Variants in ANKS1B observed in about 807,000 individuals in gnomAD.
The protein encoded by ANKS1B is ankyrin repeat and sterile alpha motif domain containing 1B.
In ANKS1B, 36 loss-of-function variants were observed where a neutral mutation model predicts 148.3. That is an observed-to-expected ratio of 0.24 (90% confidence interval 0.19 to 0.32). The LOEUF (loss-of-function observed/expected upper bound fraction) is 0.32. ANKS1B is among the 10% of genes least tolerant of loss of function. The pLI, the probability that ANKS1B is intolerant of heterozygous loss-of-function variation, is 1.00. For synonymous variants in ANKS1B, 542 were observed against 560.8 expected, an observed-to-expected ratio of 0.97 and a Z score of 0.47; for missense variants, 1,157 against 1,542.6, an observed-to-expected ratio of 0.75 and a Z score of 4.19.
At chr12:99,195,282 C>T (rs1307925346) in intron 14 of ANKS1B, among the ~76,000 whole-genome samples, 3 of 152,046 alleles carry the variant, frequency 2.0e-5, no homozygotes, top group African/African-American at 4.8e-5. Flanking sequence ...ACTCCAATAA[C>T]GTAATAAACA....
At chr12:99,219,030 T>C (rs2084677347) in intron 14 of ANKS1B, among the ~76,000 whole-genome samples, 1 of 152,150 alleles carries the variant, frequency 6.6e-6, no homozygotes, top group Non-Finnish European at 1.5e-5. Context: ...TAATCCACAA[T>C]GTGGAGGTGT....
intron 3 of ANKS1B, among the ~76,000 whole-genome samples, chr12:99,808,868 C>T (rs924848419): frequency 2.6e-5 from 4 of 151,958 alleles, no homozygotes; most frequent in Non-Finnish European, 5.9e-5. Flanking sequence ...AGAGCAAAAT[C>T]GAAAAATTTT....
chr12:99,781,983 T>C lies in ANKS1B; in HGVS notation c.745+39A>G, dbSNP rs73145431. On this transcript the variant is annotated intron_variant, in intron 5 of 26. Transcript: ENST00000683438. Reference sequence around the variant, plus strand: ...GTCTATTCCCAAAATAGAAATGTTATCTGTCAGGATAAGCTCCATGCAGAA... The same window carrying C: ...GTCTATTCCCAAAATAGAAATGTTACCTGTCAGGATAAGCTCCATGCAGAA... 4.7e-3 allele frequency: 7,136 copies of C among 1,506,282 alleles called. 30 individuals carry two copies. Among genetic ancestry groups the C allele is most frequent in the Non-Finnish European group, 5.7e-3 (6,286 of 1,111,986 alleles). 93.3% of individuals were successfully genotyped at this position (1,506,282 alleles called of 1,614,324 possible).
At chr12:99,397,608 A>G (rs1381244476) in intron 12 of ANKS1B, among the ~76,000 whole-genome samples, 1 of 152,112 alleles carries the variant, frequency 6.6e-6, no homozygotes, top group Non-Finnish European at 1.5e-5. Flanking sequence ...TTCATACCAG[A>G]ACTTTTTCCA....
At position 99,984,128 on chromosome 12, in the gene ANKS1B, G is replaced by T. The variant is rs2095749708; in HGVS notation, c.110C>A (p.Pro37His). The change falls in exon 1 of 27, where the codon CCC becomes CAC. Residue 37 changes from proline to histidine, a missense_variant. Pro to His is a moderately conservative substitution (Grantham distance 77). Transcript: ENST00000683438. ...KGGILGGGSG[P>H]LPLSNLLSIW... is the part of the protein sequence containing the mutation. ...CCTTAGCAGATTAGACAGGGGCAGG[G>T]GTCCGGATCCACCGCCCAGGATCCC... is the stretch of plus-strand genomic sequence containing the variant. 6.2e-7 allele frequency: 1 copy of T among 1,613,544 alleles called. No homozygotes were observed. Among genetic ancestry groups the T allele is most frequent in the Non-Finnish European group, 8.5e-7 (1 of 1,179,708 alleles).
At chr12:99,088,454 T>C (rs1305916282) in intron 15 of ANKS1B, among the ~76,000 whole-genome samples, 1 of 152,216 alleles carries the variant, frequency 6.6e-6, no homozygotes, top group African/African-American at 2.4e-5. Context: ...TCATTATATA[T>C]AAATATAGAT....
chr12:99,569,924 T>G (rs2097434489), intron 9 of ANKS1B, among the ~76,000 whole-genome samples: 1 of 152,120 alleles, frequency 6.6e-6, no homozygotes, highest in African/African-American at 2.4e-5. Flanking sequence ...TAGTCACGGT[T>G]GGGAGTCAGT....
intron 8 of ANKS1B, among the ~76,000 whole-genome samples, chr12:99,682,194 C>G (rs1307662347): frequency 6.6e-6 from 1 of 152,174 alleles, no homozygotes; most frequent in East Asian, 1.9e-4. Flanking sequence ...CAGCACTAGA[C>G]AGGTCATCAA....
chr12:98,794,057 T>C (rs1028910469), intron 22 of ANKS1B, among the ~76,000 whole-genome samples: 3 of 152,210 alleles, frequency 2.0e-5, no homozygotes, highest in Middle Eastern at 3.2e-3. Flanking sequence ...AATATACTTA[T>C]GGCTTTGTAA....
At chr12:99,756,587 A>AT (rs2061591865) in intron 8 of ANKS1B, among the ~76,000 whole-genome samples, 1 of 152,120 alleles carries the variant, frequency 6.6e-6, no homozygotes, top group Admixed American at 6.6e-5. Context: ...TTTAAAATGA[A>AT]TATGGAACCA....
intron 10 of ANKS1B, among the ~76,000 whole-genome samples, chr12:99,491,664 C>A (rs1009254311): frequency 6.6e-6 from 1 of 151,948 alleles, no homozygotes; most frequent in Non-Finnish European, 1.5e-5. Flanking sequence ...CATTTAGCAC[C>A]CAATTTTAAG....
At chr12:99,393,337 C>G (rs1567017054) in intron 12 of ANKS1B, among the ~76,000 whole-genome samples, 1 of 152,140 alleles carries the variant, frequency 6.6e-6, no homozygotes, top group Non-Finnish European at 1.5e-5. Context: ...GCAGAGAGAG[C>G]CCCTTAGGGA....
chr12:99,060,446 A>G (rs1304660275), intron 16 of ANKS1B, among the ~76,000 whole-genome samples: 1 of 152,048 alleles, frequency 6.6e-6, no homozygotes, highest in Non-Finnish European at 1.5e-5. Flanking sequence ...CTCTTATTTT[A>G]TGCGTTTTAT....
At chr12:99,852,590 G>C (rs1307232100) in intron 1 of ANKS1B, among the ~76,000 whole-genome samples, 1 of 152,188 alleles carries the variant, frequency 6.6e-6, no homozygotes, top group African/African-American at 2.4e-5. Context: ...AAAAATGGCG[G>C]ATAGGAGGTA....
chr12:99,453,976 G>T (rs2095802960), intron 10 of ANKS1B, among the ~76,000 whole-genome samples: 1 of 152,184 alleles, frequency 6.6e-6, no homozygotes, highest in Non-Finnish European at 1.5e-5. Flanking sequence ...GAAAAAAAAT[G>T]TAATAGCCTT....
chr12:99,518,433 A>G (rs188378650), intron 9 of ANKS1B, among the ~76,000 whole-genome samples: 2 of 152,176 alleles, frequency 1.3e-5, no homozygotes, highest in African/African-American at 4.8e-5. Flanking sequence ...TTATGGCTCA[A>G]TTTTGATAGG....
chr12:99,130,604 C>T (rs2065817600), intron 15 of ANKS1B, among the ~76,000 whole-genome samples: 1 of 152,258 alleles, frequency 6.6e-6, no homozygotes. Flanking sequence ...TCTACTCATC[C>T]TCTATAGTGC....
intron 17 of ANKS1B, among the ~76,000 whole-genome samples, chr12:98,912,773 C>T (rs1307059160): frequency 6.6e-6 from 1 of 152,182 alleles, no homozygotes. Flanking sequence ...AGAATCATGA[C>T]AAATGCTTAG....
In ANKS1B at chr12:99,651,081, T is replaced by C. The variant is rs1304754685; in HGVS notation, c.1272+3986A>G. ...TATTCCAATCAAACAAATCTGGGGA[T>C]ATAAAATTTTACATAGTACTGTACT... is the stretch of plus-strand genomic sequence containing the variant. On this transcript the variant is annotated intron_variant, in intron 9 of 26. Transcript: ENST00000683438. Among the ~76,000 whole-genome samples the C allele has an allele frequency of 2.6e-5, 4 of 152,146 alleles. No individual in the cohort carries two copies. In the East Asian group the frequency reaches 7.7e-4, roughly 29 times the overall value.
Sources: gnomAD v4.1 joint callset for allele counts (sites outside exome capture counted in the v4.1 genomes callset) on GRCh38, gnomAD v4.1.1 for gene constraint, MANE v1.5 for transcripts, NCBI Gene and HGNC (gene_info 2026-07-23, HGNC 2026-07-21) for gene names.